UNC93A: variants seen among roughly 807,000 people sequenced by gnomAD.
UNC93A encodes the protein unc-93 homolog A, also known as N-acetylglucosamine transporter UNC93A.
A neutral mutation model predicts 47.5 loss-of-function variants in UNC93A; 43 were observed. The ratio of observed to expected loss-of-function variants is 0.91; its 90% CI spans 0.71 to 1.17. The LOEUF is 1.17. Ranked by LOEUF, UNC93A falls within the 50% of genes most tolerant of loss-of-function variation. UNC93A has a pLI of 0.00. For missense variants in UNC93A, 605 were observed against 577.6 expected (o/e 1.05, Z -0.49); for synonymous variants, 280 against 258.0 (o/e 1.09, Z -0.82).
At chr6:167,274,145 C>T (rs758935523) in intron 1 of UNC93A, among the ~76,000 whole-genome samples, 17 of 152,084 alleles carry the variant, frequency 1.1e-4, no homozygotes, top group Non-Finnish European at 2.2e-4. Context: ...GAAGTTACGC[C>T]AGAGTAAGGT....
At chr6:167,306,813 C>A (rs759996878) in intron 6 of UNC93A, among the ~76,000 whole-genome samples, 81 of 152,332 alleles carry the variant, frequency 5.3e-4, no homozygotes, top group Non-Finnish European at 1.1e-3. Context: ...AGCCCTGGGG[C>A]ATGCGGTGTG....
At position 167,303,916 on chromosome 6, in the gene UNC93A, C is replaced by T. The variant is rs1298927072; in HGVS notation, c.626-3C>T. 8.1e-6 allele frequency: 13 copies of T among 1,613,886 alleles called. No individual in the cohort carries two copies. The highest frequency in any genetic ancestry group is 1.1e-5 in the Non-Finnish European group (13 of 1,179,982). On this transcript the variant is annotated splice_polypyrimidine_tract_variant and splice_region_variant and intron_variant, in intron 4 of 7. Transcript: ENST00000230256. ...AGCTGAAGCCTTTGCTATGTCCTTT[C>T]AGGGAGTGGTGTCCTGGCTGTCCTG...
intron 1 of UNC93A, among the ~76,000 whole-genome samples, chr6:167,285,390 C>T (rs73260911): frequency 0.019 from 2,940 of 151,972 alleles, 124 homozygotes; most frequent in African/African-American, 0.067. Flanking sequence ...TGCTTCTTTA[C>T]AGCTCATCAT....
At chr6:167,287,748 T>A (rs898138425), upstream of UNC93A, among the ~76,000 whole-genome samples, 1 of 151,902 alleles carries the variant, frequency 6.6e-6, no homozygotes, top group Non-Finnish European at 1.5e-5. Flanking sequence ...CATGCGTGTG[T>A]GTGTGTGTGT....
chr6:167,299,104 C>T (rs2346117), intron 4 of UNC93A, among the ~76,000 whole-genome samples: 29,301 of 135,310 alleles, frequency 0.22, 3,291 homozygotes, highest in African/African-American at 0.29. Flanking sequence ...GGCAACAGAG[C>T]GAGACTCCAT....
At chr6:167,294,824 C>T (rs2115119694) in intron 2 of UNC93A, 126 bp downstream of exon 2, 1 of 1,061,722 alleles carries the variant, frequency 9.4e-7, no homozygotes, top group Non-Finnish European at 1.3e-6. Context: ...AATGAGCTCT[C>T]CTGCCCCTGC....
chr6:167,274,683 G>A (rs1783509240), intron 1 of UNC93A, among the ~76,000 whole-genome samples: 2 of 152,142 alleles, frequency 1.3e-5, no homozygotes, highest in African/African-American at 4.8e-5. Flanking sequence ...ACGTGACATG[G>A]GCACCTTCTT....
chr6:167,285,133 A>G (rs1253135889), intron 1 of UNC93A, among the ~76,000 whole-genome samples: 6 of 151,900 alleles, frequency 3.9e-5, no homozygotes, highest in South Asian at 2.1e-4. Context: ...AGTGGGACAC[A>G]TAGGTGTGTG....
At chr6:167,295,027 A>G (rs1778015006) in intron 2 of UNC93A, among the ~76,000 whole-genome samples, 1 of 152,058 alleles carries the variant, frequency 6.6e-6, no homozygotes, top group African/African-American at 2.4e-5. Context: ...TCTAACTGCA[A>G]TGCAGATGGT....
chr6:167,277,134 C>G (rs1261802933), intron 1 of UNC93A, among the ~76,000 whole-genome samples: 1 of 152,236 alleles, frequency 6.6e-6, no homozygotes, highest in Non-Finnish European at 1.5e-5. Flanking sequence ...GTAGGATCAC[C>G]CTCTGTGAAG....
chr6:167,315,563 G>A lies in UNC93A; in HGVS notation c.*111G>A. ...CTCATCACCATCTCAGCACAATTTG[G>A]CCATTCTGAAGAGATCATGTTATTT... is the stretch of plus-strand genomic sequence containing the variant. On this transcript the variant is annotated 3_prime_UTR_variant, in exon 8 of 8. Coordinates refer to ENST00000230256, the MANE Select transcript of UNC93A (RefSeq NM_018974.4). 1 of 1,525,304 alleles carries A rather than the reference G, an allele frequency of 6.6e-7. No homozygotes were observed. Among genetic ancestry groups the A allele is most frequent in the South Asian group, 1.2e-5 (1 of 82,620 alleles). The allele number at this position is 1,525,304 out of a possible 1,614,324, so 94.5% of individuals were successfully genotyped here. A position where few individuals can be genotyped will look rare whatever the true frequency, so the allele number is the denominator to read the frequency against.
At chr6:167,281,312 A>G (rs961532945) in intron 1 of UNC93A, among the ~76,000 whole-genome samples, 3 of 152,138 alleles carry the variant, frequency 2.0e-5, no homozygotes, top group Non-Finnish European at 4.4e-5. Context: ...CAGGCCAATC[A>G]TTAGCCATTC....
Position 167,307,783 on chromosome 6 carries a change from G to C in UNC93A, c.981G>C (p.Ala327=). Reference sequence around the variant, plus strand: ...GTTTCCCCTCTGCACCCCCAGGCGCGGTGACCCACGTGTCCTGCATGATTG... The same window carrying C: ...GTTTCCCCTCTGCACCCCCAGGCGCCGTGACCCACGTGTCCTGCATGATTG... ...TGRAVLYVLG[A]VTHVSCMIAL... Residue 327 remains alanine, a synonymous_variant, in exon 7 of 8, where the codon GCG becomes GCC. Transcript: ENST00000230256. 8.1e-6 allele frequency: 13 copies of C among 1,613,624 alleles called. No individual in the cohort carries two copies. Among genetic ancestry groups the C allele is most frequent in the Non-Finnish European group, 1.1e-5 (13 of 1,179,790 alleles).
chr6:167,298,011 C>T lies in UNC93A; in HGVS notation c.566C>T (p.Thr189Ile). ...GACTGCCTGATGGCCACCACAACCACCAACAGCACCCAGAGGCCCTCCCAG... is the reference window on the plus strand; with the variant it reads ...GACTGCCTGATGGCCACCACAACCATCAACAGCACCCAGAGGCCCTCCCAG... ...ASDCLMATTT[T>I]NSTQRPSQQL... The change falls in exon 4 of 8, where the codon ACC (threonine) becomes ATC (isoleucine). Residue 189 changes from threonine (T) to isoleucine (I), a missense_variant. Transcript: ENST00000230256. 1 of 1,614,138 alleles carries T rather than the reference C, an allele frequency of 6.2e-7. No homozygotes were observed. The highest frequency in any genetic ancestry group is 8.5e-7 in the Non-Finnish European group (1 of 1,180,038).
Position 167,315,255 on chromosome 6 carries a change from C to A in UNC93A, c.1177C>A (p.Leu393Met), listed in dbSNP as rs1238959519. The A allele has an allele frequency of 6.2e-7, 1 of 1,613,800 alleles. No individual in the cohort carries two copies. Among genetic ancestry groups the A allele is most frequent in the South Asian group, 1.1e-5 (1 of 91,062 alleles). Residue 393 changes from leucine to methionine, a missense_variant, in exon 8 of 8, where the codon CTG becomes ATG. Transcript: ENST00000230256. ...CGCCAATTACCGCCTGTGGGAGGCC[C>A]TGGGCTTCGTCATTGCCTTCGGGTA... is the stretch of plus-strand genomic sequence containing the variant. ...AFANYRLWEA[L>M]GFVIAFGYSM...
upstream of UNC93A, among the ~76,000 whole-genome samples, chr6:167,270,046 C>T (rs1385654461): frequency 4.2e-4 from 16 of 38,020 alleles, no homozygotes; most frequent in African/African-American, 2.8e-3. Context: ...AGAGGCTGCA[C>T]GGGGTGGGGG....
chr6:167,296,325 G>A, intron 3 of UNC93A, 64 bp downstream of exon 3: 1 of 1,553,122 alleles, frequency 6.4e-7, no homozygotes, highest in Non-Finnish European at 8.9e-7. Flanking sequence ...ATGGGGGAGA[G>A]GGTTCCTGAT....
chr6:167,302,044 G>C (rs1778254878), intron 4 of UNC93A, among the ~76,000 whole-genome samples: 1 of 152,118 alleles, frequency 6.6e-6, no homozygotes, highest in African/African-American at 2.4e-5. Flanking sequence ...AATAGGAAGG[G>C]GAATATGTTT....
upstream of UNC93A, chr6:167,271,105 G>A (rs2115064113): frequency 6.6e-6 from 1 of 152,518 alleles, no homozygotes; most frequent in South Asian, 2.1e-4. Flanking sequence ...GCAAGGGAGG[G>A]AATTGCGATT....
Sources: gnomAD v4.1 joint callset for allele counts (sites outside exome capture counted in the v4.1 genomes callset) on GRCh38, gnomAD v4.1.1 for gene constraint, MANE v1.5 for transcripts, NCBI Gene and HGNC (gene_info 2026-07-23, HGNC 2026-07-21) for gene names.